Variants in AK4 observed in about 807,000 individuals in gnomAD.
The protein encoded by AK4 is adenylate kinase 4, also known as adenylate kinase 4, mitochondrial.
In AK4, 13 loss-of-function variants were observed where a neutral mutation model predicts 24.6. The observed-to-expected ratio is 0.53, with a 90% CI of 0.34 to 0.84. The LOEUF is 0.84. Ranked by LOEUF, AK4 falls within the 40% of genes least tolerant of loss-of-function variation. The pLI is 0.01. For missense variants in AK4, 192 were observed against 288.2 expected, an observed-to-expected ratio of 0.67 and a Z score of 2.42; for synonymous variants, 88 against 107.0, an observed-to-expected ratio of 0.82 and a Z score of 1.10.
intron 2 of AK4, among the ~76,000 whole-genome samples, chr1:65,193,705 G>C (rs1651380283): frequency 6.6e-6 from 1 of 152,240 alleles, no homozygotes; most frequent in South Asian, 2.1e-4. Context: ...GAACCCATGG[G>C]TATGAAAAGT....
rs1005262135 is a variant in AK4, at chr1:65,190,847, GT to G, written c.265+19del. The stretch of plus-strand genomic sequence containing the variant: ...CCTTGATGGTGAGTTGAAACTGTGG[GT>G]AAACCGAATTTCTGGGAATAGTCAG... On this transcript the variant is annotated intron_variant, in intron 2 of 4. Transcript: ENST00000327299. The G allele has an allele frequency of 6.2e-7, 1 of 1,611,148 alleles. No individual in the cohort carries two copies. The highest frequency in any genetic ancestry group is 8.5e-7 in the Non-Finnish European group (1 of 1,179,148).
At chr1:65,210,150 G>A (rs1480032843) in intron 2 of AK4, among the ~76,000 whole-genome samples, 1 of 152,130 alleles carries the variant, frequency 6.6e-6, no homozygotes, top group Non-Finnish European at 1.5e-5. Flanking sequence ...TACTTACTTG[G>A]TAGAGCACTT....
At chr1:65,161,911 T>C (rs993098832) in intron 1 of AK4, among the ~76,000 whole-genome samples, 7 of 152,076 alleles carry the variant, frequency 4.6e-5, no homozygotes, top group African/African-American at 1.7e-4. Context: ...GGAGGTAATA[T>C]TTAAGCTGAG....
chr1:65,156,793 A>G (rs1189905154), intron 1 of AK4, among the ~76,000 whole-genome samples: 2 of 152,012 alleles, frequency 1.3e-5, no homozygotes, highest in African/African-American at 4.8e-5. Flanking sequence ...GTGGTGGCAC[A>G]TGCCTGTAAT....
At chr1:65,224,639 TTCA>T in intron 3 of AK4, 110 bp from the exon 4 acceptor site, 1 of 762,742 alleles carries the variant, frequency 1.3e-6, no homozygotes, top group Non-Finnish European at 2.3e-6. Flanking sequence ...CAAGGCCTAA[TTCA>T]TCATGTGGTA....
intron 1 of AK4, among the ~76,000 whole-genome samples, chr1:65,156,353 CTT>C (rs903242986): frequency 2.0e-5 from 3 of 151,774 alleles, no homozygotes; most frequent in South Asian, 2.1e-4. Context: ...AGCAGTGCCT[CTT>C]TTTTTTAATG....
chr1:65,218,257 T>G (rs1443347522), intron 2 of AK4, among the ~76,000 whole-genome samples: 1 of 147,468 alleles, frequency 6.8e-6, no homozygotes, highest in Admixed American at 6.7e-5. Flanking sequence ...TAAAATGATG[T>G]AAGATAAAAT....
At chr1:65,208,270 G>C (rs560581257) in intron 2 of AK4, among the ~76,000 whole-genome samples, 3 of 152,098 alleles carry the variant, frequency 2.0e-5, no homozygotes, top group Non-Finnish European at 4.4e-5. Flanking sequence ...TGGATGACAT[G>C]GAATATGGAG....
intron 1 of AK4, among the ~76,000 whole-genome samples, chr1:65,160,206 G>T (rs189198271): frequency 2.8e-4 from 43 of 152,216 alleles, no homozygotes; most frequent in African/African-American, 9.6e-4. Flanking sequence ...GTCTGTTTGT[G>T]TGGCTATAAC....
chr1:65,147,700 C>A (rs2100967815), upstream of AK4: 1 of 152,126 alleles, frequency 6.6e-6, no homozygotes, highest in East Asian at 1.9e-4. Context: ...GGTGGCGAGG[C>A]GCGGGGCTCG....
At chr1:65,173,899 G>A (rs2101014337) in intron 1 of AK4, among the ~76,000 whole-genome samples, 1 of 151,924 alleles carries the variant, frequency 6.6e-6, no homozygotes, top group Non-Finnish European at 1.5e-5. Context: ...TGAGGTGGTT[G>A]TATTAAGGTT....
chr1:65,172,939 T>C (rs1650589957), intron 1 of AK4, among the ~76,000 whole-genome samples: 2 of 146,594 alleles, frequency 1.4e-5, no homozygotes, highest in African/African-American at 5.1e-5. Flanking sequence ...CTGTGCTCAC[T>C]GCAACCTCCA....
rs185558934 is a variant in AK4, at chr1:65,181,245, C to T, written c.146-9465C>T. On this transcript the variant is annotated intron_variant, in intron 1 of 4. Coordinates refer to ENST00000327299, the MANE Select transcript of AK4 (RefSeq NM_013410.4). ...AGTACCCCATAGCTCCTTTTTCCAT[C>T]TCTCTCCTCCAGCACTATCCTGCAT... Among the ~76,000 whole-genome samples, 4 of 151,786 alleles carry T rather than the reference C, an allele frequency of 2.6e-5. No individual in the cohort carries two copies. The East Asian group carries it at 7.7e-4, about 29-fold the overall frequency.
intron 3 of AK4, among the ~76,000 whole-genome samples, chr1:65,223,551 T>C (rs1652361320): frequency 6.6e-6 from 1 of 152,054 alleles, no homozygotes; most frequent in South Asian, 2.1e-4. Context: ...TCCCCAAACT[T>C]ATAGTAAGTG....
At chr1:65,163,367 C>G (rs1650231690) in intron 1 of AK4, among the ~76,000 whole-genome samples, 1 of 152,212 alleles carries the variant, frequency 6.6e-6, no homozygotes, top group South Asian at 2.1e-4. Flanking sequence ...GACTCCAGTA[C>G]AGCCACATGG....
intron 1 of AK4, among the ~76,000 whole-genome samples, chr1:65,150,271 T>TTC (rs72275469): frequency 0.024 from 3,096 of 129,772 alleles, 49 homozygotes; most frequent in South Asian, 0.055. Flanking sequence ...TGTTCTCTCT[T>TTC]TCTCTCTCTC....
chr1:65,187,655 T>C (rs1651148654), intron 1 of AK4, among the ~76,000 whole-genome samples: 2 of 152,200 alleles, frequency 1.3e-5, no homozygotes, highest in African/African-American at 2.4e-5. Flanking sequence ...GAGGATCTTA[T>C]GAAGATTAAA....
rs115527560 is a variant in AK4, at chr1:65,217,788, G to A, written c.266-966G>A. On this transcript the variant is annotated intron_variant, in intron 2 of 4. Transcript: ENST00000327299. Reference sequence around the variant, plus strand: ...TTCCACACATTTAGAAAAGTAGGAAGAATAAGTTTTGCATTATCCCAATAG... The same window carrying A: ...TTCCACACATTTAGAAAAGTAGGAAAAATAAGTTTTGCATTATCCCAATAG... 7.5e-3 allele frequency among the ~76,000 whole-genome samples: 1,149 copies of A among 152,302 alleles called. 10 individuals are homozygous for A. The highest frequency in any genetic ancestry group is 0.011 in the Non-Finnish European group (746 of 68,020).
At chr1:65,169,881 G>A (rs1012521331) in intron 1 of AK4, among the ~76,000 whole-genome samples, 6 of 150,470 alleles carry the variant, frequency 4.0e-5, no homozygotes, top group Non-Finnish European at 8.8e-5. Context: ...TTAGTTGTTC[G>A]GTTTTGTGTG....
Sources: gnomAD v4.1 joint callset for allele counts (sites outside exome capture counted in the v4.1 genomes callset) on GRCh38, gnomAD v4.1.1 for gene constraint, MANE v1.5 for transcripts, NCBI Gene and HGNC (gene_info 2026-07-23, HGNC 2026-07-21) for gene names.